The following PDZRN3 variants were observed in gnomAD, a reference collection of about 807,000 sequenced individuals.
PDZRN3 encodes PDZ domain containing ring finger 3, also known as E3 ubiquitin-protein ligase PDZRN3.
A neutral mutation model predicts 85.7 loss-of-function variants in PDZRN3; 38 were observed. That is an observed-to-expected ratio of 0.44 (90% CI 0.34 to 0.58). PDZRN3 has a LOEUF of 0.58. Among genes scored for constraint, PDZRN3 ranks in the 20% least tolerant of loss-of-function variants. The pLI is 0.01. For missense variants in PDZRN3, 1,629 were observed against 1,506.4 expected (o/e 1.08, Z -1.35); for synonymous variants, 759 against 638.0 (o/e 1.19, Z -2.86).
intron 3 of PDZRN3, among the ~76,000 whole-genome samples, chr3:73,459,803 C>T (rs954504118): frequency 1.3e-5 from 2 of 152,168 alleles, no homozygotes; most frequent in African/African-American, 2.4e-5. Context: ...TGAATAGAAG[C>T]ACTCTTCTTT....
intron 5 of PDZRN3, among the ~76,000 whole-genome samples, chr3:73,394,934 T>C (rs1165346183): frequency 2.6e-5 from 4 of 152,204 alleles, no homozygotes; most frequent in African/African-American, 9.6e-5. Context: ...CTTATAAAGA[T>C]TACAGTAAGG....
chr3:73,559,082 A>G (rs1701762484), intron 3 of PDZRN3, among the ~76,000 whole-genome samples: 1 of 152,204 alleles, frequency 6.6e-6, no homozygotes, highest in Admixed American at 6.5e-5. Context: ...ACACCAAGCA[A>G]CTGGAACACA....
In PDZRN3 at chr3:73,562,610, A is replaced by G. The variant is rs187034067; in HGVS notation, c.918+39744T>C. ...AGGTCAGCCCCGTTAAATGCATGCCATCTACATTTCCGGGACTTCAGGTAG... is the reference window on the plus strand; with the variant it reads ...AGGTCAGCCCCGTTAAATGCATGCCGTCTACATTTCCGGGACTTCAGGTAG... On this transcript the variant is annotated intron_variant, in intron 3 of 9. Transcript: ENST00000263666. 4.6e-3 allele frequency among the ~76,000 whole-genome samples: 704 copies of G among 152,278 alleles called. 5 individuals carry two copies. The highest frequency in any genetic ancestry group is 0.015 in the African/African-American group (634 of 41,564).
In PDZRN3 at chr3:73,383,890, G is replaced by A; in HGVS notation, c.2676C>T (p.Ala892=). ...TCATCTGGCTTTGCGCGTACTCCAC[G>A]GCCGACTTCTGCTGGATCAGCTGCA... ...SYMQLIQQKS[A]VEYAQSQMSL... The change falls in exon 10 of 10, where the codon GCC becomes GCT. Residue 892 remains alanine, a synonymous_variant. Transcript: ENST00000263666. The A allele has an allele frequency of 2.5e-6, 4 of 1,613,186 alleles. No individual in the cohort carries two copies. The highest frequency in any genetic ancestry group is 2.2e-5 in the East Asian group (1 of 44,832).
At chr3:73,385,059 A>C in intron 9 of PDZRN3, 129 bp from the exon 10 acceptor site, 2 of 1,059,276 alleles carry the variant, frequency 1.9e-6, no homozygotes, top group Non-Finnish European at 2.7e-6. Flanking sequence ...ACAGCATCTG[A>C]CAGTAGGACC....
chr3:73,509,946 G>T (rs1704134134), intron 3 of PDZRN3, among the ~76,000 whole-genome samples: 1 of 152,170 alleles, frequency 6.6e-6, no homozygotes, highest in African/African-American at 2.4e-5. Flanking sequence ...CAAATGTTTT[G>T]AAAACAACGG....
chr3:73,505,849 G>A lies in PDZRN3; in HGVS notation c.918+96505C>T, dbSNP rs374710670. Among the ~76,000 whole-genome samples, 63 of 152,002 alleles carry A rather than the reference G, an allele frequency of 4.1e-4. No individual in the cohort carries two copies. The South Asian group carries it at 0.012, about 29-fold the overall frequency. ...AATTTGAGGCAAAAAATAAAATTGC[G>A]CTGGATTAGAGACCCCCAACCGACT... is the stretch of plus-strand genomic sequence containing the variant. On this transcript the variant is annotated intron_variant, in intron 3 of 9. Coordinates refer to ENST00000263666, the MANE Select transcript of PDZRN3 (RefSeq NM_015009.3).
chr3:73,384,165 A>T lies in PDZRN3; in HGVS notation c.2401T>A (p.Tyr801Asn). 6.2e-7 allele frequency: 1 copy of T among 1,614,034 alleles called. No individual in the cohort carries two copies. Among genetic ancestry groups the T allele is most frequent in the Non-Finnish European group, 8.5e-7 (1 of 1,180,012 alleles). ...AGCAGATTCTTGGAGGCTGGCCCGT[A>T]GGCTTCCGTGGTCCCCACAGCCCCT... ...SEGAVGTTEA[Y>N]GPASKNLLSI... The change falls in exon 10 of 10, where the codon TAC (tyrosine) becomes AAC (asparagine). Residue 801 changes from tyrosine to asparagine, a missense_variant. Tyr to Asn is a moderately radical substitution (Grantham distance 143, BLOSUM62 -2). Coordinates refer to ENST00000263666, the MANE Select transcript of PDZRN3 (RefSeq NM_015009.3).
chr3:73,536,425 G>A (rs944906234), intron 3 of PDZRN3, among the ~76,000 whole-genome samples: 2 of 152,146 alleles, frequency 1.3e-5, no homozygotes, highest in African/African-American at 4.8e-5. Context: ...GACAACCCAG[G>A]CATCACTGCT....
intron 3 of PDZRN3, among the ~76,000 whole-genome samples, chr3:73,563,001 ATATATATATATATTTTTTTT>A (rs1346113544): frequency 5.6e-5 from 2 of 35,412 alleles, no homozygotes; most frequent in Non-Finnish European, 1.0e-4. Flanking sequence ...ATATATATAT[ATATATATATATATTTTTTTT>A]TTTTTTTTTT....
At chr3:73,607,231 T>C (rs1702614577) in intron 2 of PDZRN3, among the ~76,000 whole-genome samples, 1 of 152,252 alleles carries the variant, frequency 6.6e-6, no homozygotes, top group Non-Finnish European at 1.5e-5. Flanking sequence ...TTCTTCATAG[T>C]CATATTTTAA....
Position 73,385,050 on chromosome 3 carries a change from C to A in PDZRN3, c.1636-120G>T, listed in dbSNP as rs946522183. ...GCTGTACATTTCTAAGGCCAAGGGACAGCATCTGACAGTAGGACCACGTCA... is the reference window on the plus strand; with the variant it reads ...GCTGTACATTTCTAAGGCCAAGGGAAAGCATCTGACAGTAGGACCACGTCA... On this transcript the variant is annotated intron_variant, in intron 9 of 9. Coordinates refer to ENST00000263666, the MANE Select transcript of PDZRN3 (RefSeq NM_015009.3). 19 of 1,134,072 alleles carry A rather than the reference C, an allele frequency of 1.7e-5. No homozygotes were observed. In the Admixed American group the frequency reaches 5.0e-4, roughly 30 times the overall value. 70.3% of individuals were successfully genotyped at this position (1,134,072 alleles called of 1,614,324 possible). A position where few individuals can be genotyped will look rare whatever the true frequency, so the allele number is the denominator to read the frequency against.
At chr3:73,462,718 G>A (rs545798589) in intron 3 of PDZRN3, among the ~76,000 whole-genome samples, 1 of 152,234 alleles carries the variant, frequency 6.6e-6, no homozygotes, top group Admixed American at 6.5e-5. Context: ...TGGTGGAAGG[G>A]GGTTATCCTC....
At chr3:73,603,826 T>G (rs1419479355) in intron 2 of PDZRN3, among the ~76,000 whole-genome samples, 1 of 151,858 alleles carries the variant, frequency 6.6e-6, no homozygotes, top group Non-Finnish European at 1.5e-5. Context: ...TGGAAAAATG[T>G]ACATTTCTCA....
At chr3:73,511,078 C>G (rs1704155051) in intron 3 of PDZRN3, among the ~76,000 whole-genome samples, 1 of 152,114 alleles carries the variant, frequency 6.6e-6, no homozygotes, top group African/African-American at 2.4e-5. Flanking sequence ...AAACAAAACA[C>G]TGAAGGCAGA....
chr3:73,389,768 C>G, intron 7 of PDZRN3, 48 bp downstream of exon 7: 1 of 1,333,006 alleles, frequency 7.5e-7, no homozygotes, highest in Non-Finnish European at 1.1e-6. Context: ...CCAGTTTGTT[C>G]TTTAGTGATA....
chr3:73,540,087 GAAAAAAAAAAAAA>G (rs1168662549), intron 3 of PDZRN3, among the ~76,000 whole-genome samples: 4 of 50,046 alleles, frequency 8.0e-5, no homozygotes, highest in African/African-American at 3.0e-4. Context: ...ACTGTTGGAT[GAAAAAAAAAAAAA>G]AAAAAAAAAA....
At chr3:73,523,287 A>G (rs1157939097) in intron 3 of PDZRN3, among the ~76,000 whole-genome samples, 1 of 152,148 alleles carries the variant, frequency 6.6e-6, no homozygotes, top group Non-Finnish European at 1.5e-5. Context: ...TTGGGCTCCC[A>G]AAGTGCTGGG....
intron 3 of PDZRN3, among the ~76,000 whole-genome samples, chr3:73,565,282 C>T (rs574625212): frequency 3.6e-4 from 55 of 152,156 alleles, no homozygotes; most frequent in African/African-American, 1.3e-3. Context: ...GTGCCTGCTA[C>T]TATGTCCTGC....
Sources: allele counts gnomAD v4.1 joint callset (sites outside exome capture counted in the v4.1 genomes callset), GRCh38; gene constraint gnomAD v4.1.1; transcripts MANE v1.5; gene names NCBI Gene and HGNC (gene_info 2026-07-23, HGNC 2026-07-21).